AGBL1: variants seen among roughly 807,000 people sequenced by gnomAD.
AGBL1 encodes the protein AGBL carboxypeptidase 1, also known as cytosolic carboxypeptidase 4.
In AGBL1, 130 loss-of-function variants were observed where a neutral mutation model predicts 118.9. The observed-to-expected ratio is 1.09, with a 90% CI of 0.95 to 1.26. AGBL1 has a LOEUF of 1.26. Ranked by LOEUF, AGBL1 falls within the 50% of genes most tolerant of loss-of-function variation. The pLI is 0.00. For missense variants in AGBL1, 1,584 were observed against 1,298.1 expected, an observed-to-expected ratio of 1.22 and a Z score of -3.38; for synonymous variants, 555 against 478.9, an observed-to-expected ratio of 1.16 and a Z score of -2.08.
At chr15:86,741,836 A>G (rs185980323) in intron 22 of AGBL1, among the ~76,000 whole-genome samples, 2 of 152,144 alleles carry the variant, frequency 1.3e-5, no homozygotes, top group Non-Finnish European at 2.9e-5. Context: ...CAATGCTTAC[A>G]TTTAAGAGTT....
At chr15:86,664,299 A>C (rs1207920960) in intron 21 of AGBL1, among the ~76,000 whole-genome samples, 1 of 152,288 alleles carries the variant, frequency 6.6e-6, no homozygotes, top group East Asian at 1.9e-4. Flanking sequence ...TGGGGTCGAT[A>C]AGTGGAGAAG....
chr15:87,018,258 GC>G (rs2081627438), intron 24 of AGBL1, among the ~76,000 whole-genome samples: 1 of 152,082 alleles, frequency 6.6e-6, no homozygotes, highest in Non-Finnish European at 1.5e-5. Flanking sequence ...TTCTGGACCT[GC>G]AGAGAATCCC....
chr15:86,596,659 A>G (rs889472423), intron 21 of AGBL1, among the ~76,000 whole-genome samples: 3 of 151,922 alleles, frequency 2.0e-5, no homozygotes, highest in African/African-American at 7.3e-5. Flanking sequence ...ACTTTCATCC[A>G]TCCTCCTAAT....
intron 15 of AGBL1, among the ~76,000 whole-genome samples, chr15:86,277,305 T>TGC (rs1555459701): frequency 1.8e-5 from 2 of 109,880 alleles, no homozygotes; most frequent in African/African-American, 9.0e-5. Context: ...TGTGTGTGCA[T>TGC]GTGTGTGTGT....
At chr15:86,883,369 C>T (rs2079923179) in intron 22 of AGBL1, among the ~76,000 whole-genome samples, 1 of 152,224 alleles carries the variant, frequency 6.6e-6, no homozygotes, top group African/African-American at 2.4e-5. Flanking sequence ...ACACAGCTTA[C>T]ACTTCCAACA....
At chr15:86,868,348 A>C (rs997523905) in intron 22 of AGBL1, among the ~76,000 whole-genome samples, 1 of 152,234 alleles carries the variant, frequency 6.6e-6, no homozygotes, top group Non-Finnish European at 1.5e-5. Context: ...ACCAAGCCAC[A>C]CAAGACTGTA....
At chr15:86,290,861 C>T (rs976242918) in intron 16 of AGBL1, among the ~76,000 whole-genome samples, 4 of 151,532 alleles carry the variant, frequency 2.6e-5, no homozygotes, top group Non-Finnish European at 5.9e-5. Context: ...CCACAACAGT[C>T]CCTAGAGTGT....
intron 17 of AGBL1, among the ~76,000 whole-genome samples, chr15:86,353,634 G>A (rs892907214): frequency 3.9e-5 from 6 of 152,206 alleles, no homozygotes; most frequent in African/African-American, 9.6e-5. Context: ...GGGAAATAAT[G>A]AAAGTAGCAG....
At chr15:86,486,324 T>C (rs970346245) in intron 18 of AGBL1, among the ~76,000 whole-genome samples, 2 of 152,130 alleles carry the variant, frequency 1.3e-5, no homozygotes, top group Admixed American at 6.6e-5. Flanking sequence ...TTCCATATTC[T>C]TCTAGGTTCA....
rs747867637 is a variant in AGBL1 at position 86,159,028 on chromosome 15, TAC to T, written c.488+4_488+5del. ...CCGAAAGCGCACCCAAGCAATCAGG[TAC>T]AGAGTGCCATGTAATACTTCTGCCC... On this transcript the variant is annotated splice_donor_region_variant and intron_variant, in intron 5 of 22. Transcript: ENST00000614907. 1 of 1,612,560 alleles carries T rather than the reference TAC, an allele frequency of 6.2e-7. No individual in the cohort carries two copies. The highest frequency in any genetic ancestry group is 8.5e-7 in the Non-Finnish European group (1 of 1,178,744).
chr15:86,561,547 G>GCC (rs1365540028), intron 21 of AGBL1, among the ~76,000 whole-genome samples: 2 of 152,168 alleles, frequency 1.3e-5, no homozygotes, highest in Non-Finnish European at 2.9e-5. Context: ...TGCTGTTTTT[G>GCC]TTACTGTAGC....
chr15:86,570,669 C>A (rs139152912), intron 21 of AGBL1, among the ~76,000 whole-genome samples: 1 of 152,296 alleles, frequency 6.6e-6, no homozygotes, highest in East Asian at 1.9e-4. Context: ...TCTTAGCGAG[C>A]TTGGTCCACA....
chr15:86,162,184 G>A (rs369879029), intron 5 of AGBL1, among the ~76,000 whole-genome samples: 1 of 152,092 alleles, frequency 6.6e-6, no homozygotes, highest in Non-Finnish European at 1.5e-5. Flanking sequence ...GGGCTCAAGG[G>A]GGGTCTTGCA....
intron 18 of AGBL1, among the ~76,000 whole-genome samples, chr15:86,449,009 T>C (rs1326803465): frequency 6.6e-6 from 1 of 152,076 alleles, no homozygotes; most frequent in African/African-American, 2.4e-5. Context: ...AGGCTACAGG[T>C]GCAGCTTTTT....
At chr15:86,794,305 G>A (rs2078539411) in intron 22 of AGBL1, among the ~76,000 whole-genome samples, 1 of 152,098 alleles carries the variant, frequency 6.6e-6, no homozygotes, top group African/African-American at 2.4e-5. Flanking sequence ...CTACAACATG[G>A]GTGAACCTCA....
At chr15:86,244,753 G>A (rs1401652329) in intron 6 of AGBL1, among the ~76,000 whole-genome samples, 1 of 152,140 alleles carries the variant, frequency 6.6e-6, no homozygotes, top group Non-Finnish European at 1.5e-5. Context: ...AAAGACAAAA[G>A]TCCTTAAGCT....
At chr15:86,197,988 A>T (rs2077842591) in intron 5 of AGBL1, among the ~76,000 whole-genome samples, 1 of 152,066 alleles carries the variant, frequency 6.6e-6, no homozygotes, top group Non-Finnish European at 1.5e-5. Context: ...CCCAGGGTGC[A>T]AGGTTGGGTG....
At position 86,674,373 on chromosome 15, in the gene AGBL1, T is replaced by A; in HGVS notation, c.3095T>A (p.Leu1032His). 1.2e-6 allele frequency: 2 copies of A among 1,613,148 alleles called. No individual in the cohort carries two copies. The highest frequency in any genetic ancestry group is 8.5e-7 in the Non-Finnish European group (1 of 1,179,588). Residue 1032 changes from leucine to histidine, a missense_variant, in exon 22 of 23, where the codon CTC becomes CAC. By Grantham distance (99) the Leu-to-His change is moderately conservative. Coordinates refer to ENST00000614907, the MANE Select transcript of AGBL1 (RefSeq NM_001386094.1). ...ELKSASCSHQ[L>H]LAQAATLLSA... ...AAATCTGCCAGCTGCAGCCATCAGC[T>A]CCTGGCTCAAGCTGCAACTCTGCTG...
At chr15:86,469,642 T>G (rs2082453358) in intron 18 of AGBL1, among the ~76,000 whole-genome samples, 1 of 152,134 alleles carries the variant, frequency 6.6e-6, no homozygotes. Context: ...TGTAGTATTT[T>G]TTGAAGCTCC....
Sources: gnomAD v4.1 joint callset for allele counts (sites outside exome capture counted in the v4.1 genomes callset) on GRCh38, gnomAD v4.1.1 for gene constraint, MANE v1.5 for transcripts, NCBI Gene and HGNC (gene_info 2026-07-23, HGNC 2026-07-21) for gene names.